Variants in RPL26L1 observed in about 807,000 individuals in gnomAD.
The protein encoded by RPL26L1 is ribosomal protein uL24-like.
RPL26L1 carries 8 observed loss-of-function variants against 15.2 expected under a neutral mutation model. The ratio of observed to expected loss-of-function variants is 0.53; its 90% confidence interval spans 0.31 to 0.95. The LOEUF is 0.95. Among genes scored for constraint, RPL26L1 ranks in the 40% least tolerant of loss-of-function variants. The pLI is 0.05. For missense variants in RPL26L1, 146 were observed against 190.9 expected, an observed-to-expected ratio of 0.76 and a Z score of 1.39; for synonymous variants, 51 against 65.9, an observed-to-expected ratio of 0.77 and a Z score of 1.09.
rs1443246656 is a variant in RPL26L1, at chr5:172,965,016, T to G, written c.169-3443T>G. 3.9e-5 allele frequency among the ~76,000 whole-genome samples: 6 copies of G among 152,348 alleles called. No individual in the cohort carries two copies. In the East Asian group the frequency reaches 5.8e-4, roughly 15 times the overall value. On this transcript the variant is annotated intron_variant, in intron 2 of 3. Coordinates refer to ENST00000265100, the MANE Select transcript of RPL26L1 (RefSeq NM_016093.4). The stretch of plus-strand genomic sequence containing the variant: ...CTGGCCAACATGGCGAAATTCCGTC[T>G]GCACTAAAAATATAAAGATTAGCTG...
chr5:172,963,319 A>G (rs1269859362), intron 2 of RPL26L1, among the ~76,000 whole-genome samples: 1 of 151,678 alleles, frequency 6.6e-6, no homozygotes, highest in Non-Finnish European at 1.5e-5. Context: ...GGTTGCAGTG[A>G]GCCAAGATTG....
Position 172,959,484 on chromosome 5 carries a change from A to C in RPL26L1, c.-10+16A>C. The C allele has an allele frequency of 9.8e-7, 1 of 1,023,786 alleles. No individual in the cohort carries two copies. Among genetic ancestry groups the C allele is most frequent in the African/African-American group, 1.7e-5 (1 of 59,434 alleles). 63.4% of individuals were successfully genotyped at this position (1,023,786 alleles called of 1,614,324 possible). On this transcript the variant is annotated intron_variant, in intron 1 of 3. Coordinates refer to ENST00000265100, the MANE Select transcript of RPL26L1 (RefSeq NM_016093.4). ...TAGTAGCCGGGTGAGTGGAGGCTGG[A>C]GTTTTCTCGGACAGTGAACTCTACC...
upstream of RPL26L1, chr5:172,958,422 C>T (rs1330200257): frequency 2.2e-6 from 1 of 456,244 alleles, no homozygotes; most frequent in Admixed American, 2.3e-5. Flanking sequence ...TGAGTTTCAG[C>T]ATGCCGGCAT....
upstream of RPL26L1, chr5:172,955,883 G>GAAT (rs1440902337): frequency 3.3e-5 from 5 of 152,168 alleles, no homozygotes. Context: ...TCATACCCAG[G>GAAT]TCTGCCTGAC....
chr5:172,968,418 A>G (rs1383930591), intron 2 of RPL26L1, 41 bp from the exon 3 acceptor site: 1 of 1,606,000 alleles, frequency 6.2e-7, no homozygotes, highest in Non-Finnish European at 8.5e-7. Flanking sequence ...ATGATCATGC[A>G]CTACAAATGG....
At chr5:172,955,697 C>T (rs558462113), upstream of RPL26L1, 2 of 152,360 alleles carry the variant, frequency 1.3e-5, no homozygotes, top group South Asian at 4.1e-4. Flanking sequence ...GCACTTCATT[C>T]TGGCCAGTCA....
chr5:172,961,394 C>T (rs1161173963), intron 2 of RPL26L1, among the ~76,000 whole-genome samples: 1 of 152,176 alleles, frequency 6.6e-6, no homozygotes, highest in African/African-American at 2.4e-5. Context: ...AAGATATAAT[C>T]ATCTACCTTT....
chr5:172,958,568 C>A, upstream of RPL26L1: 2 of 366,632 alleles, frequency 5.5e-6, no homozygotes, highest in Non-Finnish European at 1.1e-5. Flanking sequence ...CCTTTTCCTT[C>A]CCTGCCGCCA....
intron 2 of RPL26L1, among the ~76,000 whole-genome samples, chr5:172,964,272 G>T (rs1755360369): frequency 1.8e-5 from 2 of 108,384 alleles, no homozygotes; most frequent in Non-Finnish European, 3.9e-5. Flanking sequence ...ACAGTGTCTG[G>T]CCTGTTGCCT....
intron 1 of RPL26L1, 182 bp downstream of exon 1, chr5:172,959,650 C>T (rs575675497): frequency 8.2e-7 from 1 of 1,213,662 alleles, no homozygotes; most frequent in Non-Finnish European, 1.1e-6. Context: ...CCCTCTCCCC[C>T]ACGACCCCTT....
At chr5:172,966,297 C>T (rs987121780) in intron 2 of RPL26L1, among the ~76,000 whole-genome samples, 3 of 146,850 alleles carry the variant, frequency 2.0e-5, no homozygotes, top group Non-Finnish European at 4.5e-5. Flanking sequence ...GCGCATGCCA[C>T]CATGTCTGGC....
At chr5:172,958,895 C>CGCCGCCG (rs1755096292), upstream of RPL26L1, 1 of 154,256 alleles carries the variant, frequency 6.5e-6, no homozygotes, top group South Asian at 1.9e-4. Context: ...CCCGCAGGCA[C>CGCCGCCG]GCCGCCGGCC....
chr5:172,955,633 CT>C, upstream of RPL26L1: 1 of 152,584 alleles, frequency 6.6e-6, no homozygotes, highest in Non-Finnish European at 1.5e-5. Context: ...ACTGGAGACC[CT>C]TTTTTCTTGC....
Position 172,959,471 on chromosome 5 carries a change from GA to G in RPL26L1, c.-10+4del. 1 of 1,019,034 alleles carries G rather than the reference GA, an allele frequency of 9.8e-7. No individual in the cohort carries two copies. The highest frequency in any genetic ancestry group is 3.7e-5 in the South Asian group (1 of 26,950). 63.1% of individuals were successfully genotyped at this position (1,019,034 alleles called of 1,614,324 possible). On this transcript the variant is annotated splice_donor_region_variant and intron_variant, in intron 1 of 3. Coordinates refer to ENST00000265100, the MANE Select transcript of RPL26L1 (RefSeq NM_016093.4). ...GGTCTGAGGCAGCTAGTAGCCGGGT[GA>G]GTGGAGGCTGGAGTTTTCTCGGACA...
chr5:172,955,311 G>T (rs186678610), upstream of RPL26L1: 5,751 of 284,554 alleles, frequency 0.02, 329 homozygotes, highest in African/African-American at 0.12. Flanking sequence ...GTATTTTTAG[G>T]AGAAACAGGG....
chr5:172,958,207 T>G (rs1276635788), upstream of RPL26L1: 1 of 362,082 alleles, frequency 2.8e-6, no homozygotes, highest in African/African-American at 2.3e-5. Context: ...GAGGTTGCGG[T>G]GAGCCGAGAT....
At chr5:172,959,800 G>A (rs1318608398) in intron 1 of RPL26L1, 65 bp from the exon 2 acceptor site, 4 of 1,545,346 alleles carry the variant, frequency 2.6e-6, no homozygotes, top group Non-Finnish European at 3.6e-6. Context: ...AGTGTCTTGG[G>A]TCGAGAACAG....
At chr5:172,959,603 C>T (rs992058782) in intron 1 of RPL26L1, 135 bp downstream of exon 1, 39 of 1,247,236 alleles carry the variant, frequency 3.1e-5, no homozygotes, top group Non-Finnish European at 3.8e-5. Context: ...CTGCCTAACC[C>T]TAGCATTCCT....
At chr5:172,955,153 T>TG, upstream of RPL26L1, 1 of 291,460 alleles carries the variant, frequency 3.4e-6, no homozygotes, top group Non-Finnish European at 6.4e-6. Flanking sequence ...TTTTTTTTTT[T>TG]GAGACGGAGT....
Sources: allele counts gnomAD v4.1 joint callset (sites outside exome capture counted in the v4.1 genomes callset), GRCh38; gene constraint gnomAD v4.1.1; transcripts MANE v1.5; gene names NCBI Gene and HGNC (gene_info 2026-07-23, HGNC 2026-07-21).